TCF4: variants seen among roughly 807,000 people sequenced by gnomAD.
TCF4 encodes transcription factor 4, also known as SL3-3 enhancer factor 2.
TCF4 carries 3 observed loss-of-function variants against 82.1 expected under a neutral mutation model. That is an observed-to-expected ratio of 0.04 (90% confidence interval 0.02 to 0.09). The LOEUF is 0.09. TCF4 is among the 10% of genes least tolerant of loss of function. The pLI, the probability that TCF4 is intolerant of heterozygous loss-of-function variation, is 1.00. For missense variants in TCF4, 518 were observed against 852.7 expected, an observed-to-expected ratio of 0.61 and a Z score of 4.89; for synonymous variants, 276 against 309.6, an observed-to-expected ratio of 0.89 and a Z score of 1.14.
chr18:55,300,899 A>G (rs2146939746), intron 8 of TCF4, among the ~76,000 whole-genome samples: 1 of 152,314 alleles, frequency 6.6e-6, no homozygotes, highest in African/African-American at 2.4e-5. Context: ...AGCTCGTCCC[A>G]GAGAACAGGC....
chr18:55,399,349 A>C (rs2093670680), intron 6 of TCF4, among the ~76,000 whole-genome samples: 1 of 152,194 alleles, frequency 6.6e-6, no homozygotes, highest in Non-Finnish European at 1.5e-5. Context: ...AATTAACAAC[A>C]ACCTCCTAGA....
At chr18:55,321,962 C>T (rs1602592120) in intron 8 of TCF4, 1 of 1,322,218 alleles carries the variant, frequency 7.6e-7, no homozygotes, top group Non-Finnish European at 9.6e-7. Context: ...GGCAGCCCGG[C>T]CCTGATGGAG....
chr18:55,369,604 T>C (rs1389549964), intron 6 of TCF4, among the ~76,000 whole-genome samples: 1 of 152,198 alleles, frequency 6.6e-6, no homozygotes, highest in Non-Finnish European at 1.5e-5. Flanking sequence ...ACCAACTTCA[T>C]ACACTCTCCC....
chr18:55,305,392 T>C (rs1256527307), intron 8 of TCF4, among the ~76,000 whole-genome samples: 2 of 152,198 alleles, frequency 1.3e-5, no homozygotes, highest in African/African-American at 4.8e-5. Context: ...CACTTCCAAA[T>C]TTCCTTTAAC....
chr18:55,222,764 CAAA>C lies in TCF4; in HGVS notation c.*5268_*5270del. The stretch of plus-strand genomic sequence containing the variant: ...GCAAAGTAGATTGATGTCCATTCTA[CAAA>C]AATATTAACTTACAGTACATAACAC... On this transcript the variant is annotated 3_prime_UTR_variant, in exon 20 of 20. Transcript: ENST00000354452. The C allele has an allele frequency of 6.6e-6, 1 of 152,572 alleles. No homozygotes were observed. The allele number at this position is 152,572 out of a possible 1,614,324, so 9.5% of individuals were successfully genotyped here.
At chr18:55,362,873 C>G (rs1325156595) in intron 6 of TCF4, among the ~76,000 whole-genome samples, 1 of 152,122 alleles carries the variant, frequency 6.6e-6, no homozygotes, top group African/African-American at 2.4e-5. Flanking sequence ...AGTTCACAAG[C>G]CAGTTTAACA....
chr18:55,238,064 T>C (rs2050073424), intron 15 of TCF4, among the ~76,000 whole-genome samples: 1 of 152,256 alleles, frequency 6.6e-6, no homozygotes, highest in Non-Finnish European at 1.5e-5. Context: ...GGGCATCCAA[T>C]GATCTTGGCA....
At chr18:55,613,426 T>C (rs1457962036) in intron 2 of TCF4, among the ~76,000 whole-genome samples, 2 of 152,226 alleles carry the variant, frequency 1.3e-5, no homozygotes, top group Non-Finnish European at 2.9e-5. Flanking sequence ...AGAATAATTA[T>C]TTTATGATTC....
chr18:55,303,109 A>C (rs2068842315), intron 8 of TCF4, among the ~76,000 whole-genome samples: 1 of 152,190 alleles, frequency 6.6e-6, no homozygotes, highest in Admixed American at 6.5e-5. Context: ...AAGACGTGGC[A>C]AGTAAACTTG....
intron 3 of TCF4, among the ~76,000 whole-genome samples, chr18:55,564,219 G>A (rs1205930196): frequency 6.6e-6 from 1 of 152,194 alleles, no homozygotes; most frequent in African/African-American, 2.4e-5. Context: ...GAATCCCAAT[G>A]TAGCCAAACA....
chr18:55,545,454 T>C (rs2097198111), intron 3 of TCF4, among the ~76,000 whole-genome samples: 1 of 152,190 alleles, frequency 6.6e-6, no homozygotes, highest in South Asian at 2.1e-4. Flanking sequence ...TTTTGTTTTG[T>C]TTTTGTTTTT....
At chr18:55,621,511 A>AT (rs1441582783) in intron 2 of TCF4, among the ~76,000 whole-genome samples, 17,267 of 18,020 alleles carry the variant, frequency 0.96, 8,370 homozygotes, top group Non-Finnish European at 0.98. Flanking sequence ...CATTATATAT[A>AT]TATTATATAA....
chr18:55,506,830 T>G (rs886974247), intron 3 of TCF4, among the ~76,000 whole-genome samples: 1 of 151,924 alleles, frequency 6.6e-6, no homozygotes, highest in African/African-American at 2.4e-5. Flanking sequence ...AATTATAATA[T>G]ACTGCAACCT....
Position 55,229,061 on chromosome 18 carries a change from C to G in TCF4, c.1665G>C (p.Glu555Asp), listed in dbSNP as rs749911137. ...TRSRSSNNDD[E>D]DLTPEQKAER... ...CTGCCTTCTGCTCTGGTGTCAGGTC[C>G]TCATCGTCATTATTGCTGTGGGACA... is the stretch of plus-strand genomic sequence containing the variant. Residue 555 changes from glutamate (E) to aspartate (D), a missense_variant, in exon 18 of 20, where the codon GAG becomes GAC. Glu to Asp is a conservative substitution (Grantham distance 45). Around this residue, in one of 7 missense-constraint regions of TCF4, gnomAD observed 144 missense variants for 190.2 expected, o/e 0.76. Transcript: ENST00000354452. 3.7e-6 allele frequency: 6 copies of G among 1,614,112 alleles called. No homozygotes were observed. The highest frequency in any genetic ancestry group is 5.1e-6 in the Non-Finnish European group (6 of 1,180,022).
intron 3 of TCF4, among the ~76,000 whole-genome samples, chr18:55,565,332 A>T (rs2147402093): frequency 6.6e-6 from 1 of 152,276 alleles, no homozygotes. Context: ...CTCCAAAAGT[A>T]TAAATGCAAG....
intron 3 of TCF4, among the ~76,000 whole-genome samples, chr18:55,477,057 AATG>A (rs1478040475): frequency 6.6e-6 from 1 of 152,190 alleles, no homozygotes; most frequent in African/African-American, 2.4e-5. Flanking sequence ...AACTTGTTCA[AATG>A]ATACCTCCTT....
intron 5 of TCF4, among the ~76,000 whole-genome samples, chr18:55,409,111 T>TA (rs2094228063): frequency 1.3e-5 from 2 of 152,254 alleles, no homozygotes; most frequent in Admixed American, 1.3e-4. Context: ...TTTCTACACC[T>TA]CTATGTGAAG....
At chr18:55,309,438 T>C (rs755294338) in intron 8 of TCF4, among the ~76,000 whole-genome samples, 9 of 152,126 alleles carry the variant, frequency 5.9e-5, no homozygotes, top group Non-Finnish European at 1.0e-4. Flanking sequence ...TGAATGTTAA[T>C]AGCCACATGG....
chr18:55,432,640 T>G (rs1173666564), intron 5 of TCF4, among the ~76,000 whole-genome samples: 1 of 152,214 alleles, frequency 6.6e-6, no homozygotes. Flanking sequence ...AACTCACTCC[T>G]CTACTCGCCC....
Sources: gnomAD v4.1 joint callset for allele counts (sites outside exome capture counted in the v4.1 genomes callset) on GRCh38, gnomAD v4.1.1 for gene constraint, gnomAD v4.1.1 regional missense constraint, MANE v1.5 for transcripts, NCBI Gene and HGNC (gene_info 2026-07-23, HGNC 2026-07-21) for gene names.